The following LRP1B variants were observed in gnomAD, a reference collection of about 807,000 sequenced individuals.
LRP1B encodes the protein low-density lipoprotein receptor-related protein 1B.
LRP1B carries 217 observed loss-of-function variants against 556.6 expected under a neutral mutation model. That is an observed-to-expected ratio of 0.39 (90% CI 0.35 to 0.44). The LOEUF is 0.44. Among genes scored for constraint, LRP1B ranks in the 20% least tolerant of loss-of-function variants. LRP1B has a pLI of 1.00. For synonymous variants in LRP1B, 2,047 were observed against 1,865.8 expected, an observed-to-expected ratio of 1.10 and a Z score of -2.50; for missense variants, 5,053 against 5,620.8, an observed-to-expected ratio of 0.90 and a Z score of 3.23.
At chr2:141,687,561 G>A (rs1038963797) in intron 2 of LRP1B, among the ~76,000 whole-genome samples, 1 of 151,942 alleles carries the variant, frequency 6.6e-6, no homozygotes, top group Admixed American at 6.6e-5. Flanking sequence ...ACCACATAGA[G>A]TCAGTTGAAT....
intron 65 of LRP1B, among the ~76,000 whole-genome samples, 187 bp from the exon 66 acceptor site, chr2:140,442,810 T>G (rs1573943900): frequency 6.6e-6 from 1 of 152,132 alleles, no homozygotes; most frequent in East Asian, 1.9e-4. Flanking sequence ...TCCTCTCCAG[T>G]AAAATTAAAG....
intron 1 of LRP1B, among the ~76,000 whole-genome samples, chr2:142,003,773 GTCT>G (rs1292179451): frequency 6.6e-6 from 1 of 152,200 alleles, no homozygotes; most frequent in African/African-American, 2.4e-5. Context: ...GCCCCTGACA[GTCT>G]TTAAGTTACC....
intron 41 of LRP1B, among the ~76,000 whole-genome samples, chr2:140,656,211 T>C (rs1249247153): frequency 6.6e-6 from 1 of 152,210 alleles, no homozygotes; most frequent in Non-Finnish European, 1.5e-5. Flanking sequence ...GCAGATTCTG[T>C]AATGTAAAAA....
chr2:140,568,818 T>C (rs1681218820), intron 43 of LRP1B, among the ~76,000 whole-genome samples: 1 of 152,030 alleles, frequency 6.6e-6, no homozygotes, highest in Admixed American at 6.6e-5. Flanking sequence ...GGAAATAATG[T>C]AAAGGTTTTT....
At position 140,840,001 on chromosome 2, in the gene LRP1B, C is replaced by A. The variant is rs1032584795; in HGVS notation, c.5199G>T (p.Lys1733Asn). ...SNSKILFQNQKEPVGLSIDYV... is the reference protein window; with the variant it reads ...SNSKILFQNQNEPVGLSIDYV... ...AAAAAAAATACTTACCAACTGGCTC[C>A]TTCTGATTCTGAAACAGAATCTTGC... The change falls in exon 31 of 91, where the codon AAG becomes AAT. Residue 1733 changes from lysine (K) to asparagine (N), a missense_variant. Transcript: ENST00000389484. 6.2e-7 allele frequency: 1 copy of A among 1,607,442 alleles called. No homozygotes were observed. The highest frequency in any genetic ancestry group is 8.5e-7 in the Non-Finnish European group (1 of 1,177,560).
At chr2:140,480,310 A>G (rs1171534206) in intron 59 of LRP1B, among the ~76,000 whole-genome samples, 2 of 152,208 alleles carry the variant, frequency 1.3e-5, no homozygotes, top group Admixed American at 1.3e-4. Context: ...AGAGGGTAAA[A>G]TGTGTCTTTC....
intron 1 of LRP1B, among the ~76,000 whole-genome samples, chr2:142,013,214 G>T (rs1703010054): frequency 6.6e-6 from 1 of 152,054 alleles, no homozygotes; most frequent in South Asian, 2.1e-4. Flanking sequence ...ATTAAGATAG[G>T]ACTGGAATAA....
intron 12 of LRP1B, among the ~76,000 whole-genome samples, chr2:141,016,951 G>A (rs1697917084): frequency 6.6e-6 from 1 of 152,032 alleles, no homozygotes; most frequent in Admixed American, 6.6e-5. Context: ...ATCTAAGCTG[G>A]CAGACTTGGG....
Position 141,638,579 on chromosome 2 carries a change from C to A in LRP1B, c.206-158046G>T, listed in dbSNP as rs1162922874. Among the ~76,000 whole-genome samples, 5 of 118,052 alleles carry A rather than the reference C, an allele frequency of 4.2e-5. 1 individual carries two copies. The highest frequency in any genetic ancestry group is 2.5e-4 in the Admixed American group (3 of 11,960). 77.4% of individuals were successfully genotyped at this position (118,052 alleles called of 152,430 possible). On this transcript the variant is annotated intron_variant, in intron 2 of 90. Transcript: ENST00000389484. ...ACCAAATGGAGCTTCGGGAAACACA[C>A]TGGAGGCCGAGACCAGGCAAAGCAG... is the stretch of plus-strand genomic sequence containing the variant.
intron 43 of LRP1B, among the ~76,000 whole-genome samples, chr2:140,595,092 A>ATCTATATATC (rs1385323966): frequency 2.8e-4 from 4 of 14,406 alleles, no homozygotes; most frequent in Admixed American, 8.9e-4. Flanking sequence ...AATTGAATAT[A>ATCTATATATC]TATATATATA....
intron 2 of LRP1B, among the ~76,000 whole-genome samples, chr2:141,699,104 T>C (rs1316785323): frequency 6.6e-6 from 1 of 151,806 alleles, no homozygotes; most frequent in Non-Finnish European, 1.5e-5. Flanking sequence ...TCTCTGTAAA[T>C]AGCCTAAATC....
intron 35 of LRP1B, among the ~76,000 whole-genome samples, chr2:140,748,140 TC>T (rs1688389331): frequency 1.0e-5 from 1 of 97,850 alleles, no homozygotes; most frequent in East Asian, 2.9e-4. Context: ...TATATATAAT[TC>T]ATATATATGT....
At chr2:141,753,626 CA>C (rs1184998110) in intron 2 of LRP1B, among the ~76,000 whole-genome samples, 1 of 151,998 alleles carries the variant, frequency 6.6e-6, no homozygotes, top group African/African-American at 2.4e-5. Flanking sequence ...ATTTCCCACA[CA>C]GTAGCCTGAT....
chr2:141,120,892 A>G (rs1574094084), intron 7 of LRP1B, among the ~76,000 whole-genome samples: 1 of 152,030 alleles, frequency 6.6e-6, no homozygotes, highest in Non-Finnish European at 1.5e-5. Context: ...TCAACTGCAC[A>G]TTGCAGAGTC....
At chr2:141,559,749 C>T (rs1043515448) in intron 2 of LRP1B, among the ~76,000 whole-genome samples, 2 of 151,538 alleles carry the variant, frequency 1.3e-5, no homozygotes, top group African/African-American at 4.8e-5. Context: ...AAAATTGAGG[C>T]ACAATTGGCC....
At chr2:140,859,864 G>A (rs974986344) in intron 27 of LRP1B, among the ~76,000 whole-genome samples, 7 of 152,020 alleles carry the variant, frequency 4.6e-5, no homozygotes, top group South Asian at 2.1e-4. Context: ...GTGTGGCGGC[G>A]GACACCTGTA....
intron 2 of LRP1B, among the ~76,000 whole-genome samples, chr2:141,630,665 ACAGT>A (rs1290329074): frequency 6.6e-6 from 1 of 152,216 alleles, no homozygotes; most frequent in Non-Finnish European, 1.5e-5. Context: ...TTTCAGCTTC[ACAGT>A]GAGTTTATCA....
At chr2:142,040,098 T>G (rs963554157) in intron 1 of LRP1B, among the ~76,000 whole-genome samples, 37 of 151,610 alleles carry the variant, frequency 2.4e-4, no homozygotes, top group Admixed American at 1.6e-3. Context: ...AGTACACTAG[T>G]ACCATAAAGA....
intron 1 of LRP1B, among the ~76,000 whole-genome samples, chr2:142,029,597 G>A (rs1703618022): frequency 6.6e-6 from 1 of 151,824 alleles, no homozygotes. Flanking sequence ...CTAAAAAAGT[G>A]GGACAACAAC....
Sources: gnomAD v4.1 joint callset for allele counts (sites outside exome capture counted in the v4.1 genomes callset) on GRCh38, gnomAD v4.1.1 for gene constraint, MANE v1.5 for transcripts, NCBI Gene and HGNC (gene_info 2026-07-23, HGNC 2026-07-21) for gene names.